Variants in FBLN1 observed in about 807,000 individuals in gnomAD.
FBLN1 encodes fibulin-1.
A neutral mutation model predicts 89.7 loss-of-function variants in FBLN1; 34 were observed. The observed-to-expected ratio is 0.38, with a 90% CI of 0.29 to 0.50. The LOEUF (loss-of-function observed/expected upper bound fraction) is 0.50. Among genes scored for constraint, FBLN1 ranks in the 20% least tolerant of loss-of-function variants. FBLN1 has a pLI of 0.92. For missense variants in FBLN1, 777 were observed against 988.1 expected (o/e 0.79, Z 2.86); for synonymous variants, 393 against 391.3 (o/e 1.00, Z -0.05).
In FBLN1 at chr22:45,531,294, G is replaced by C. The variant is rs778636775; in HGVS notation, c.514G>C (p.Glu172Gln). ...DKIIEVEEEQ[E>Q]DPYLNDRCRG... ...GATCATTGAGGTTGAGGAGGAACAA[G>C]AGGACCCATATCTGAATGACCGCTG... is the stretch of plus-strand genomic sequence containing the variant. Residue 172 changes from glutamate (E) to glutamine (Q), a missense_variant, in exon 5 of 17, where the codon GAG becomes CAG. Coordinates refer to ENST00000327858, the MANE Select transcript of FBLN1 (RefSeq NM_006486.3). The surrounding 1 kb of genome is among the most constrained non-coding windows in gnomAD (Gnocchi z 4.9). 3 of 1,614,072 alleles carry C rather than the reference G, an allele frequency of 1.9e-6. No homozygotes were observed. The highest frequency in any genetic ancestry group is 2.5e-6 in the Non-Finnish European group (3 of 1,179,972).
intron 4 of FBLN1, among the ~76,000 whole-genome samples, chr22:45,528,501 C>T (rs1414858661): frequency 6.6e-6 from 1 of 152,116 alleles, no homozygotes; most frequent in Non-Finnish European, 1.5e-5. Flanking sequence ...TACACTACCA[C>T]ACCTGGCTAA....
chr22:45,525,179 AAGAGAGAG>A (rs3074733), intron 2 of FBLN1, among the ~76,000 whole-genome samples: 2 of 147,092 alleles, frequency 1.4e-5, no homozygotes, highest in African/African-American at 2.6e-5. Context: ...GAAAGGGAGA[AAGAGAGAG>A]AGAGAGAGAA....
rs1235699369 is a variant in FBLN1 at position 45,557,630 on chromosome 22, C to T, written c.1697+7015C>T. 6.6e-6 allele frequency among the ~76,000 whole-genome samples: 1 copy of T among 152,146 alleles called. No individual in the cohort carries two copies. Among genetic ancestry groups the T allele is most frequent in the Non-Finnish European group, 1.5e-5 (1 of 68,034 alleles). On this transcript the variant is annotated intron_variant, in intron 14 of 16. Coordinates refer to ENST00000327858, the MANE Select transcript of FBLN1 (RefSeq NM_006486.3). This position sits in a 1 kb window ranked among gnomAD's most constrained non-coding sequence, Gnocchi z 4.9. Reference sequence around the variant, plus strand: ...GCCGAGTGGTGTCCACAGAATGAATCATCCTATCCACTTGATTATTAAAAT... The same window carrying T: ...GCCGAGTGGTGTCCACAGAATGAATTATCCTATCCACTTGATTATTAAAAT...
rs377654321 is a variant in FBLN1 at position 45,530,793 on chromosome 22, C to T, written c.485-472C>T. Among the ~76,000 whole-genome samples the T allele has an allele frequency of 1.3e-5, 2 of 151,922 alleles. No individual in the cohort carries two copies. The highest frequency in any genetic ancestry group is 2.9e-5 in the Non-Finnish European group (2 of 67,994). ...ATCTTTTTTTTTTGAAACGGAGTCT[C>T]GCTCTTGTTGCCCAGGCTGGAGTGC... On this transcript the variant is annotated intron_variant, in intron 4 of 16. Transcript: ENST00000327858. This position sits in a 1 kb window ranked among gnomAD's most constrained non-coding sequence, Gnocchi z 5.4.
chr22:45,576,926 G>T lies in FBLN1; in HGVS notation c.1841-51G>T. ...AGTTCCTGGGGACGAGGCTGGGACT[G>T]GGGCTGGGGCCAGGCTGTGCTGAGC... On this transcript the variant is annotated intron_variant, in intron 15 of 16. Coordinates refer to ENST00000327858, the MANE Select transcript of FBLN1 (RefSeq NM_006486.3). The surrounding 1 kb of genome is among the most constrained non-coding windows in gnomAD (Gnocchi z 5.2). 1.2e-6 allele frequency: 2 copies of T among 1,609,808 alleles called. No individual in the cohort carries two copies. Among genetic ancestry groups the T allele is most frequent in the Middle Eastern group, 3.3e-4 (2 of 6,060 alleles).
chr22:45,532,264 G>A lies in FBLN1; in HGVS notation c.545-799G>A, dbSNP rs1469896242. 6.6e-6 allele frequency among the ~76,000 whole-genome samples: 1 copy of A among 152,090 alleles called. No individual in the cohort carries two copies. Among genetic ancestry groups the A allele is most frequent in the East Asian group, 1.9e-4 (1 of 5,170 alleles). ...CTCAGGGCTATGGGAGGAGCTTTCT[G>A]GGGAGGGGAGAGCTGGTCTGCAAGG... On this transcript the variant is annotated intron_variant, in intron 5 of 16. Transcript: ENST00000327858. The surrounding 1 kb of genome is among the most constrained non-coding windows in gnomAD (Gnocchi z 4.2).
At position 45,527,347 on chromosome 22, in the gene FBLN1, G is replaced by T. The variant is rs559836725; in HGVS notation, c.322-500G>T. ...CTTGATGACTCGTCTTGAAGTTCCT[G>T]TGCTTTCAAATGCACGGTGCAATTC... On this transcript the variant is annotated intron_variant, in intron 3 of 16. Transcript: ENST00000327858. 1.8e-4 allele frequency among the ~76,000 whole-genome samples: 28 copies of T among 152,302 alleles called. No homozygotes were observed. The South Asian group carries it at 5.4e-3, about 29-fold the overall frequency.
At position 45,579,735 on chromosome 22, in the gene FBLN1, C is replaced by T. The variant is rs2089027347; in HGVS notation, c.1972+2627C>T. Among the ~76,000 whole-genome samples, 1 of 152,190 alleles carries T rather than the reference C, an allele frequency of 6.6e-6. No individual in the cohort carries two copies. The highest frequency in any genetic ancestry group is 2.4e-5 in the African/African-American group (1 of 41,440). On this transcript the variant is annotated intron_variant, in intron 16 of 16. Transcript: ENST00000327858. This position sits in a 1 kb window ranked among gnomAD's most constrained non-coding sequence, Gnocchi z 5.5. Reference sequence around the variant, plus strand: ...GGACCTAGGCTGCATTGCTGGCTGGCTCCTGTCTCTGTCCCCACTGCGCTG... The same window carrying T: ...GGACCTAGGCTGCATTGCTGGCTGGTTCCTGTCTCTGTCCCCACTGCGCTG...
chr22:45,565,182 AG>A, intron 14 of FBLN1: 6 of 1,545,512 alleles, frequency 3.9e-6, no homozygotes, highest in Non-Finnish European at 5.2e-6. Context: ...GATGCAGCCC[AG>A]GAGCCTCTCT....
At chr22:45,525,981 A>C (rs779861621) in intron 3 of FBLN1, among the ~76,000 whole-genome samples, 99 of 152,224 alleles carry the variant, frequency 6.5e-4, no homozygotes, top group Non-Finnish European at 1.3e-3. Flanking sequence ...CAGAAGTCAA[A>C]GCAGGGCTCC....
intron 2 of FBLN1, among the ~76,000 whole-genome samples, chr22:45,523,425 G>A (rs986766113): frequency 2.6e-5 from 4 of 152,208 alleles, no homozygotes; most frequent in Admixed American, 2.0e-4. Context: ...CTGTGAGGCC[G>A]GGCGCAGTGG....
At chr22:45,558,136 G>A in intron 14 of FBLN1, 1 of 715,712 alleles carries the variant, frequency 1.4e-6, no homozygotes, top group Non-Finnish European at 2.6e-6. Flanking sequence ...AAGTTGGCAG[G>A]AGTGGAGACC....
chr22:45,532,995 G>A lies in FBLN1; in HGVS notation c.545-68G>A, dbSNP rs2146968681. 6.8e-7 allele frequency: 1 copy of A among 1,464,154 alleles called. No homozygotes were observed. Among genetic ancestry groups the A allele is most frequent in the South Asian group, 1.1e-5 (1 of 87,768 alleles). The allele number at this position is 1,464,154 out of a possible 1,614,324, so 90.7% of individuals were successfully genotyped here. On this transcript the variant is annotated intron_variant, in intron 5 of 16. Coordinates refer to ENST00000327858, the MANE Select transcript of FBLN1 (RefSeq NM_006486.3). The surrounding 1 kb of genome is among the most constrained non-coding windows in gnomAD (Gnocchi z 4.2). Reference sequence around the variant, plus strand: ...GAGGGCGTTTTCTATGACCCAGCCTGAACGGAGCTAGAAACCAGGCGGTGC... The same window carrying A: ...GAGGGCGTTTTCTATGACCCAGCCTAAACGGAGCTAGAAACCAGGCGGTGC...
At chr22:45,559,340 C>T (rs375194244) in intron 14 of FBLN1, among the ~76,000 whole-genome samples, 68 of 152,304 alleles carry the variant, frequency 4.5e-4, no homozygotes, top group African/African-American at 5.5e-4. Context: ...AGAGTTGAAC[C>T]GGGATGTGGT....
At position 45,547,326 on chromosome 22, in the gene FBLN1, A is replaced by C. The variant is rs1474318071; in HGVS notation, c.1441+122A>C. The C allele has an allele frequency of 3.8e-6, 5 of 1,303,808 alleles. No individual in the cohort carries two copies. The South Asian group carries it at 4.9e-5, about 13-fold the overall frequency. 80.8% of individuals were successfully genotyped at this position (1,303,808 alleles called of 1,614,324 possible). ...CCTGCTGGGATTTCTTCACCTGACA[A>C]ACCTTCCATGTCCACCCTTGGAGGC... is the stretch of plus-strand genomic sequence containing the variant. On this transcript the variant is annotated intron_variant, in intron 12 of 16. Transcript: ENST00000327858.
At chr22:45,553,183 G>A (rs1409724602) in intron 14 of FBLN1, among the ~76,000 whole-genome samples, 3 of 152,248 alleles carry the variant, frequency 2.0e-5, no homozygotes, top group Admixed American at 6.5e-5. Context: ...CAGAACTGCC[G>A]TGCCTCCCAG....
intron 16 of FBLN1, among the ~76,000 whole-genome samples, chr22:45,598,533 T>C (rs2089205131): frequency 6.6e-6 from 1 of 152,218 alleles, no homozygotes; most frequent in Non-Finnish European, 1.5e-5. Context: ...CAGCTTCCTC[T>C]GCAGGAGGGG....
intron 16 of FBLN1, among the ~76,000 whole-genome samples, chr22:45,598,284 G>C (rs1045474669): frequency 6.6e-6 from 1 of 152,200 alleles, no homozygotes; most frequent in African/African-American, 2.4e-5. Context: ...TCCACTTTCA[G>C]TGTTGCCACG....
At chr22:45,507,729 T>C (rs1268388326) in intron 1 of FBLN1, among the ~76,000 whole-genome samples, 1 of 152,130 alleles carries the variant, frequency 6.6e-6, no homozygotes, top group African/African-American at 2.4e-5. Context: ...AGTTTCACCA[T>C]GTTGGCCAGA....
Sources: gnomAD v4.1 joint callset for allele counts (sites outside exome capture counted in the v4.1 genomes callset) on GRCh38, gnomAD v4.1.1 for gene constraint, Gnocchi (gnomAD v3.1) non-coding constraint, MANE v1.5 for transcripts, NCBI Gene and HGNC (gene_info 2026-07-23, HGNC 2026-07-21) for gene names.